The following DLGAP2 variants were observed in gnomAD, a reference collection of about 807,000 sequenced individuals.
DLGAP2 encodes the protein DLG associated protein 2.
In DLGAP2, 26 loss-of-function variants were observed where a neutral mutation model predicts 100.3. The observed-to-expected ratio is 0.26, with a 90% CI of 0.19 to 0.36. The LOEUF (loss-of-function observed/expected upper bound fraction) is 0.36, where lower values mean the gene tolerates loss of function less well. Among genes scored for constraint, DLGAP2 ranks in the 10% least tolerant of loss-of-function variants. The pLI is 1.00. For missense variants in DLGAP2, 1,858 were observed against 1,453.2 expected (o/e 1.28, Z -4.53); for synonymous variants, 886 against 630.1 (o/e 1.41, Z -6.08).
At position 1,249,070 on chromosome 8, in the gene DLGAP2, C is replaced by T. The variant is rs137975986; in HGVS notation, c.74-9781C>T. ...TGAAGAGACTAAGCTGGGACAGAGG[C>T]TGAGAACACCAGAAATGGAGTTCAA... is the stretch of plus-strand genomic sequence containing the variant. On this transcript the variant is annotated intron_variant, in intron 2 of 14. Coordinates refer to ENST00000637795, the MANE Select transcript of DLGAP2 (RefSeq NM_001346810.2). 7.2e-4 allele frequency among the ~76,000 whole-genome samples: 110 copies of T among 152,270 alleles called. 1 individual carries two copies. Among genetic ancestry groups the T allele is most frequent in the Non-Finnish European group, 1.4e-3 (97 of 68,024 alleles).
At chr8:1,000,951 C>G (rs1800938228) in intron 2 of DLGAP2, among the ~76,000 whole-genome samples, 1 of 152,136 alleles carries the variant, frequency 6.6e-6, no homozygotes, top group Non-Finnish European at 1.5e-5. Flanking sequence ...AACTCCCCTC[C>G]AGGGATTTCC....
intron 2 of DLGAP2, among the ~76,000 whole-genome samples, chr8:1,059,722 G>C (rs1803013478): frequency 6.6e-6 from 1 of 152,172 alleles, no homozygotes; most frequent in Non-Finnish European, 1.5e-5. Context: ...CTGTGGGAAG[G>C]CTGAGGGGCG....
intron 12 of DLGAP2, among the ~76,000 whole-genome samples, chr8:1,684,250 T>C (rs548592437): frequency 2.2e-4 from 33 of 152,054 alleles, no homozygotes; most frequent in African/African-American, 7.7e-4. Context: ...ATTTCTTAAA[T>C]TGCCCAGATA....
At chr8:1,445,231 C>T (rs1797952334) in intron 3 of DLGAP2, among the ~76,000 whole-genome samples, 2 of 95,140 alleles carry the variant, frequency 2.1e-5, no homozygotes. Flanking sequence ...AATGCTATCC[C>T]TCCCCCCTCC....
In DLGAP2 at chr8:887,150, G is replaced by T. The variant is rs189535617; in HGVS notation, c.19-20762G>T. 2.8e-4 allele frequency among the ~76,000 whole-genome samples: 43 copies of T among 150,990 alleles called. 1 individual carries two copies. The highest frequency in any genetic ancestry group is 1.0e-3 in the African/African-American group (41 of 41,204). ...CTCTTCTTTGCCATTTTTGATCTTT[G>T]TTGGCTTAAAGTCTGTTTTGTCAGA... On this transcript the variant is annotated intron_variant, in intron 1 of 14. Coordinates refer to ENST00000637795, the MANE Select transcript of DLGAP2 (RefSeq NM_001346810.2).
chr8:1,038,517 A>T (rs1180267907), intron 2 of DLGAP2, among the ~76,000 whole-genome samples: 1 of 152,230 alleles, frequency 6.6e-6, no homozygotes, highest in East Asian at 1.9e-4. Context: ...GGAAGGAATA[A>T]TTCTTGAGCA....
chr8:1,627,492 GCA>G (rs1337737860), intron 7 of DLGAP2, among the ~76,000 whole-genome samples: 1 of 152,224 alleles, frequency 6.6e-6, no homozygotes, highest in African/African-American at 2.4e-5. Context: ...GCCTGAGAAC[GCA>G]CAGTGAAAAA....
intron 3 of DLGAP2, among the ~76,000 whole-genome samples, chr8:1,463,618 A>C (rs1396139253): frequency 6.6e-6 from 1 of 152,234 alleles, no homozygotes; most frequent in East Asian, 1.9e-4. Context: ...ACATGTGTCA[A>C]ACAAAGCAAT....
intron 6 of DLGAP2, among the ~76,000 whole-genome samples, chr8:1,596,025 T>TCCCC (rs1796449079): frequency 7.5e-6 from 1 of 133,662 alleles, no homozygotes; most frequent in Non-Finnish European, 1.6e-5. Context: ...CTCCCCTAGC[T>TCCCC]CCCCACCCCC....
rs547453204 is a variant in DLGAP2, at chr8:898,981, G to A, written c.19-8931G>A. ...TTGGGCCCTGCCCCAGAACTCCTGCGTGGGTCCAGCAGAAGGTGTTTAACA... is the reference window on the plus strand; with the variant it reads ...TTGGGCCCTGCCCCAGAACTCCTGCATGGGTCCAGCAGAAGGTGTTTAACA... On this transcript the variant is annotated intron_variant, in intron 1 of 14. Transcript: ENST00000637795. Among the ~76,000 whole-genome samples, 153 of 152,360 alleles carry A rather than the reference G, an allele frequency of 1.0e-3. 2 individuals are homozygous for A. The highest frequency in any genetic ancestry group is 3.6e-3 in the African/African-American group (148 of 41,588).
rs955506236 is a variant in DLGAP2, at chr8:1,683,050, C to A, written c.2704+4421C>A. 1.1e-4 allele frequency among the ~76,000 whole-genome samples: 17 copies of A among 151,426 alleles called. 1 individual carries two copies. Among genetic ancestry groups the A allele is most frequent in the Admixed American group, 9.2e-4 (14 of 15,226 alleles). On this transcript the variant is annotated intron_variant, in intron 12 of 14. Transcript: ENST00000637795. ...ACGAAGCAAGCCACTCTCCGATAGACAAAAATGATGCAACAATGAGTAAGA... is the reference window on the plus strand; with the variant it reads ...ACGAAGCAAGCCACTCTCCGATAGAAAAAAATGATGCAACAATGAGTAAGA...
At position 1,432,525 on chromosome 8, in the gene DLGAP2, G is replaced by A. The variant is rs377163839; in HGVS notation, c.107-68841G>A. On this transcript the variant is annotated intron_variant, in intron 3 of 14. Transcript: ENST00000637795. ...CACTGAAATTGTTGACTGGGGAGAG[G>A]AGACAAAAGAGATGGGCGAGGGAGT... Among the ~76,000 whole-genome samples the A allele has an allele frequency of 1.2e-3, 187 of 152,356 alleles. No individual in the cohort carries two copies. The Middle Eastern group carries it at 0.017, about 14-fold the overall frequency.
chr8:1,507,840 A>G (rs1449706700), intron 4 of DLGAP2, among the ~76,000 whole-genome samples: 1 of 97,482 alleles, frequency 1.0e-5, no homozygotes, highest in Non-Finnish European at 1.8e-5. Context: ...GGCATCCTGT[A>G]GCCTCCACCA....
intron 3 of DLGAP2, among the ~76,000 whole-genome samples, chr8:1,433,611 C>CG: frequency 6.9e-6 from 1 of 144,258 alleles, no homozygotes; most frequent in Non-Finnish European, 1.6e-5. Context: ...GGGCAGCCAA[C>CG]GCAGCTGACC....
At chr8:1,552,990 C>T (rs761143525) in intron 5 of DLGAP2, among the ~76,000 whole-genome samples, 75 of 152,320 alleles carry the variant, frequency 4.9e-4, no homozygotes, top group African/African-American at 1.7e-3. Flanking sequence ...GAATGCAGAA[C>T]GGATTCGCCG....
chr8:817,495 T>C (rs182208477), intron 1 of DLGAP2, among the ~76,000 whole-genome samples: 1 of 152,348 alleles, frequency 6.6e-6, no homozygotes, highest in East Asian at 1.9e-4. Context: ...TTTGGATCCA[T>C]TGCTGGTGAG....
chr8:924,102 G>A (rs1798767362), intron 2 of DLGAP2, among the ~76,000 whole-genome samples: 1 of 152,206 alleles, frequency 6.6e-6, no homozygotes, highest in Non-Finnish European at 1.5e-5. Flanking sequence ...GTGCACGTTT[G>A]GAGGGAGCTT....
At chr8:901,951 T>C (rs920371798) in intron 1 of DLGAP2, among the ~76,000 whole-genome samples, 1 of 152,200 alleles carries the variant, frequency 6.6e-6, no homozygotes, top group Non-Finnish European at 1.5e-5. Context: ...GGAAACTGGC[T>C]GGAGGGCAGC....
intron 3 of DLGAP2, among the ~76,000 whole-genome samples, chr8:1,274,486 A>G (rs938464595): frequency 6.7e-6 from 1 of 149,056 alleles, no homozygotes; most frequent in Non-Finnish European, 1.5e-5. Flanking sequence ...CATAAACCAT[A>G]AAATGAGTGA....
Sources: allele counts gnomAD v4.1 joint callset (sites outside exome capture counted in the v4.1 genomes callset), GRCh38; gene constraint gnomAD v4.1.1; transcripts MANE v1.5; gene names NCBI Gene and HGNC (gene_info 2026-07-23, HGNC 2026-07-21).